ACOXL: variants seen among roughly 807,000 people sequenced by gnomAD.
ACOXL encodes acyl-coenzyme A oxidase-like protein.
ACOXL carries 70 observed loss-of-function variants against 71.9 expected under a neutral mutation model. The ratio of observed to expected loss-of-function variants is 0.97; its 90% confidence interval spans 0.80 to 1.19. The LOEUF is 1.19. Among genes scored for constraint, ACOXL ranks in the 50% most tolerant of loss-of-function variants. The pLI is 0.00. For synonymous variants in ACOXL, 253 were observed against 281.6 expected (o/e 0.90, Z 1.02); for missense variants, 703 against 736.3 (o/e 0.95, Z 0.52).
At chr2:110,803,942 A>C (rs1686305579) in intron 8 of ACOXL, among the ~76,000 whole-genome samples, 1 of 152,100 alleles carries the variant, frequency 6.6e-6, no homozygotes, top group African/African-American at 2.4e-5. Flanking sequence ...GGAAGATACG[A>C]ATCAAAACCA....
chr2:111,035,102 G>A (rs551309343), intron 15 of ACOXL, among the ~76,000 whole-genome samples: 242 of 152,060 alleles, frequency 1.6e-3, no homozygotes, highest in Non-Finnish European at 2.9e-3. Context: ...TCCTGACCTC[G>A]TGATCTGCCC....
rs556551926 is a variant in ACOXL at position 111,101,175 on chromosome 2, T to C, written c.1542+8209T>C. 4 of 152,774 alleles carry C rather than the reference T, an allele frequency of 2.6e-5. No homozygotes were observed. The East Asian group carries it at 7.7e-4, about 29-fold the overall frequency. 9.5% of individuals were successfully genotyped at this position (152,774 alleles called of 1,614,324 possible). ...ACGTAGAAGATGGATTACACTCGTT[T>C]ACTATTTTAATCTAAGCATAAAGTA... On this transcript the variant is annotated intron_variant, in intron 17 of 17. Transcript: ENST00000439055.
chr2:110,805,820 C>T (rs1367596766), intron 9 of ACOXL, among the ~76,000 whole-genome samples: 1 of 152,212 alleles, frequency 6.6e-6, no homozygotes, highest in African/African-American at 2.4e-5. Flanking sequence ...TTCTCCATCA[C>T]AGTCTGGAGG....
chr2:111,021,861 TAAAAAAGAA>T (rs1321325264), intron 14 of ACOXL, among the ~76,000 whole-genome samples: 5 of 149,902 alleles, frequency 3.3e-5, no homozygotes, highest in South Asian at 2.1e-4. Flanking sequence ...CTGGGGAATG[TAAAAAAGAA>T]AAAAAAGAAA....
intron 10 of ACOXL, chr2:110,888,100 A>G (rs1311799772): frequency 6.6e-6 from 1 of 152,158 alleles, no homozygotes; most frequent in African/African-American, 2.4e-5. Context: ...TGGGGCTTCT[A>G]TAGTCAATAC....
At chr2:110,782,591 A>G (rs1683471500) in intron 2 of ACOXL, among the ~76,000 whole-genome samples, 1 of 152,236 alleles carries the variant, frequency 6.6e-6, no homozygotes, top group African/African-American at 2.4e-5. Flanking sequence ...AGGGAAGGGA[A>G]GTAATTGTCA....
chr2:111,095,196 G>T (rs527888976), intron 17 of ACOXL, among the ~76,000 whole-genome samples: 1 of 138,216 alleles, frequency 7.2e-6, no homozygotes, highest in South Asian at 2.4e-4. Flanking sequence ...CCCACTTTGG[G>T]AAGATGGAAG....
At chr2:110,806,601 T>C (rs963954695) in intron 9 of ACOXL, among the ~76,000 whole-genome samples, 11 of 152,118 alleles carry the variant, frequency 7.2e-5, no homozygotes, top group Non-Finnish European at 1.6e-4. Context: ...AAAGGGAAGA[T>C]TGGTTAAACA....
intron 15 of ACOXL, among the ~76,000 whole-genome samples, chr2:111,044,588 C>T (rs938376486): frequency 6.6e-6 from 1 of 152,198 alleles, no homozygotes; most frequent in African/African-American, 2.4e-5. Context: ...ACTGTACCTG[C>T]TAACTTAGTG....
At chr2:110,915,346 ATATATGTGTGTGTGTGTGTG>A (rs1251416723) in intron 11 of ACOXL, among the ~76,000 whole-genome samples, 1 of 127,034 alleles carries the variant, frequency 7.9e-6, no homozygotes, top group African/African-American at 2.8e-5. Flanking sequence ...TTATATATAT[ATATATGTGTGTGTGTGTGTG>A]TGTGTGTGTG....
chr2:110,780,743 G>A (rs962441875), intron 2 of ACOXL, among the ~76,000 whole-genome samples: 10 of 152,246 alleles, frequency 6.6e-5, no homozygotes, highest in Admixed American at 3.9e-4. Flanking sequence ...ACAAAAAGAA[G>A]TGTTAGGCTG....
intron 17 of ACOXL, among the ~76,000 whole-genome samples, chr2:111,103,697 A>G (rs2069334951): frequency 6.6e-6 from 1 of 152,212 alleles, no homozygotes; most frequent in Non-Finnish European, 1.5e-5. Context: ...AAAAGGAAAC[A>G]AAAAATAATC....
intron 1 of ACOXL, among the ~76,000 whole-genome samples, chr2:110,759,488 AG>A (rs1680109840): frequency 6.6e-6 from 1 of 152,220 alleles, no homozygotes; most frequent in Non-Finnish European, 1.5e-5. Context: ...TTCAGAAACT[AG>A]GATTGCAACC....
rs1375974317 is a variant in ACOXL, at chr2:110,933,552, G to A, written c.969G>A (p.Ser323=). 6.8e-6 allele frequency: 11 copies of A among 1,614,068 alleles called. No homozygotes were observed. Among genetic ancestry groups the A allele is most frequent in the Middle Eastern group, 1.6e-4 (1 of 6,062 alleles). The change falls in exon 12 of 18, where the codon TCG becomes TCA. Residue 323 remains serine (S), a synonymous_variant. Coordinates refer to ENST00000439055, the MANE Select transcript of ACOXL (RefSeq NM_001142807.4). ...GAAAGGAGCTGGTCAACAGTCGCTC[G>A]CTGCAGGCTCTGGTGGCGGGGCTGA... is the stretch of plus-strand genomic sequence containing the variant. ...FQGKELVNSR[S]LQALVAGLKA...
chr2:111,004,525 A>G (rs1015428010), intron 14 of ACOXL, among the ~76,000 whole-genome samples: 1 of 152,132 alleles, frequency 6.6e-6, no homozygotes, highest in East Asian at 1.9e-4. Context: ...CCTTCCTTCA[A>G]TGTGTTGGTG....
chr2:110,919,397 G>T lies in ACOXL; in HGVS notation c.905+10492G>T, dbSNP rs1259589100. Among the ~76,000 whole-genome samples the T allele has an allele frequency of 2.0e-5, 3 of 150,582 alleles. No individual in the cohort carries two copies. The East Asian group carries it at 5.8e-4, about 29-fold the overall frequency. ...CAGGGAGGGGAACATCACACACCGG[G>T]GCCTGTTAGGGGGTGGGGGGGCAAG... On this transcript the variant is annotated intron_variant, in intron 11 of 17. Transcript: ENST00000439055.
chr2:110,748,131 C>A (rs1678469790), intron 1 of ACOXL, among the ~76,000 whole-genome samples: 1 of 152,178 alleles, frequency 6.6e-6, no homozygotes, highest in African/African-American at 2.4e-5. Flanking sequence ...CTCTCCCTGT[C>A]TTGGTGGGAC....
intron 16 of ACOXL, among the ~76,000 whole-genome samples, chr2:111,092,636 A>G (rs968379294): frequency 2.0e-5 from 3 of 152,164 alleles, no homozygotes; most frequent in Admixed American, 1.3e-4. Flanking sequence ...GGAGTTCGTT[A>G]TGCTATTTGT....
intron 17 of ACOXL, among the ~76,000 whole-genome samples, chr2:111,106,521 T>A (rs988253655): frequency 6.6e-6 from 1 of 152,230 alleles, no homozygotes; most frequent in Non-Finnish European, 1.5e-5. Context: ...ATCTCTGTCA[T>A]GTTGGCATTG....
Sources: allele counts gnomAD v4.1 joint callset (sites outside exome capture counted in the v4.1 genomes callset), GRCh38; gene constraint gnomAD v4.1.1; transcripts MANE v1.5; gene names NCBI Gene and HGNC (gene_info 2026-07-23, HGNC 2026-07-21).